PPM1L: variants seen among roughly 807,000 people sequenced by gnomAD.
PPM1L encodes protein phosphatase 1L.
A neutral mutation model predicts 31.4 loss-of-function variants in PPM1L; 13 were observed. The ratio of observed to expected loss-of-function variants is 0.41; its 90% CI spans 0.27 to 0.66. The LOEUF (loss-of-function observed/expected upper bound fraction) is 0.66. PPM1L is among the 30% of genes least tolerant of loss of function. The pLI is 0.29. For synonymous variants in PPM1L, 184 were observed against 175.4 expected (o/e 1.05, Z -0.39); for missense variants, 326 against 453.7 (o/e 0.72, Z 2.56).
At chr3:160,923,238 G>C (rs1379672038) in intron 1 of PPM1L, among the ~76,000 whole-genome samples, 2 of 152,146 alleles carry the variant, frequency 1.3e-5, no homozygotes, top group Non-Finnish European at 2.9e-5. Context: ...AGTAAAGCTT[G>C]ATCATGAGAC....
chr3:161,041,294 A>G (rs1391159378), intron 2 of PPM1L, among the ~76,000 whole-genome samples: 5 of 152,154 alleles, frequency 3.3e-5, no homozygotes, highest in Non-Finnish European at 4.4e-5. Flanking sequence ...GACCAAACCA[A>G]TGTATTTCTT....
intron 1 of PPM1L, among the ~76,000 whole-genome samples, chr3:160,942,062 A>T (rs1715180399): frequency 6.6e-6 from 1 of 152,210 alleles, no homozygotes; most frequent in Non-Finnish European, 1.5e-5. Context: ...CATAGATGTT[A>T]AACATTTCAC....
chr3:160,776,579 C>T (rs76353305), intron 1 of PPM1L, among the ~76,000 whole-genome samples: 2,500 of 149,612 alleles, frequency 0.017, 68 homozygotes, highest in African/African-American at 0.058. Context: ...AGATATACTG[C>T]ACTACCTTGG....
chr3:160,794,946 A>G (rs1180795552), intron 1 of PPM1L, among the ~76,000 whole-genome samples: 1 of 152,126 alleles, frequency 6.6e-6, no homozygotes, highest in Non-Finnish European at 1.5e-5. Context: ...AAATGATCTG[A>G]TTTGAGGCAG....
At chr3:161,033,180 C>T (rs769071885) in intron 2 of PPM1L, among the ~76,000 whole-genome samples, 4 of 151,998 alleles carry the variant, frequency 2.6e-5, no homozygotes, top group Admixed American at 6.5e-5. Context: ...CACTGCTCAA[C>T]GAAATAAGAG....
chr3:160,811,872 T>C (rs1420984372), intron 1 of PPM1L, among the ~76,000 whole-genome samples: 2 of 152,212 alleles, frequency 1.3e-5, no homozygotes, highest in African/African-American at 2.4e-5. Flanking sequence ...TGTGGGCAGC[T>C]GTAAAAACGT....
chr3:160,822,589 A>G (rs184450257), intron 1 of PPM1L, among the ~76,000 whole-genome samples: 106 of 152,234 alleles, frequency 7.0e-4, no homozygotes, highest in African/African-American at 2.5e-3. Flanking sequence ...TATTTTTTGT[A>G]GATAAACTTC....
At chr3:160,956,167 C>T (rs76418595) in intron 1 of PPM1L, among the ~76,000 whole-genome samples, 1,624 of 152,304 alleles carry the variant, frequency 0.011, 34 homozygotes, top group African/African-American at 0.038. Flanking sequence ...ATTTATCCTT[C>T]TTACCCACTG....
chr3:160,989,936 A>G (rs1042429426), intron 2 of PPM1L, among the ~76,000 whole-genome samples: 4 of 152,070 alleles, frequency 2.6e-5, no homozygotes, highest in Non-Finnish European at 4.4e-5. Flanking sequence ...AAGTTCCAGC[A>G]TTACAGGCAT....
In PPM1L at chr3:160,833,697, G is replaced by A. The variant is rs539444052; in HGVS notation, c.399+76990G>A. Among the ~76,000 whole-genome samples, 3 of 151,990 alleles carry A rather than the reference G, an allele frequency of 2.0e-5. No individual in the cohort carries two copies. In the East Asian group the frequency reaches 5.8e-4, roughly 29 times the overall value. On this transcript the variant is annotated intron_variant, in intron 1 of 3. Transcript: ENST00000498165. ...TAGACCTTTGTTAGGTAGATAGATT[G>A]CAAACATTTTCTCCCATTCTTTAGG...
chr3:161,014,139 A>G (rs1717992633), intron 2 of PPM1L, among the ~76,000 whole-genome samples: 1 of 152,124 alleles, frequency 6.6e-6, no homozygotes, highest in Non-Finnish European at 1.5e-5. Context: ...ACAATTTTGC[A>G]TGTTTTTGCA....
chr3:161,003,429 CAGTATAG>C (rs1717579651), intron 2 of PPM1L, among the ~76,000 whole-genome samples: 1 of 151,714 alleles, frequency 6.6e-6, no homozygotes, highest in African/African-American at 2.4e-5. Flanking sequence ...TTACCTTGGG[CAGTATAG>C]CCATTTTCAC....
chr3:160,824,519 G>GTGC (rs1713300882), intron 1 of PPM1L, among the ~76,000 whole-genome samples: 1 of 152,172 alleles, frequency 6.6e-6, no homozygotes, highest in Admixed American at 6.5e-5. Context: ...CTGGAATCCT[G>GTGC]TGCGTGTCTG....
At chr3:160,974,204 A>T (rs905533957) in intron 2 of PPM1L, among the ~76,000 whole-genome samples, 1 of 151,688 alleles carries the variant, frequency 6.6e-6, no homozygotes, top group African/African-American at 2.4e-5. Flanking sequence ...CATGAACTCA[A>T]CATTTTTTAT....
chr3:161,048,089 G>A (rs1374800144), intron 2 of PPM1L, among the ~76,000 whole-genome samples: 8 of 152,180 alleles, frequency 5.3e-5, no homozygotes, highest in African/African-American at 1.9e-4. Context: ...TGACAAATGG[G>A]ATCTAATTAA....
rs543122860 is a variant in PPM1L at position 160,949,802 on chromosome 3, A to G, written c.400-11934A>G. ...AGAGCTGTAACGGAGATCTGAACATAGTACATTGTGGTGACAAGTGGGAAA... is the reference window on the plus strand; with the variant it reads ...AGAGCTGTAACGGAGATCTGAACATGGTACATTGTGGTGACAAGTGGGAAA... On this transcript the variant is annotated intron_variant, in intron 1 of 3. Coordinates refer to ENST00000498165, the MANE Select transcript of PPM1L (RefSeq NM_139245.4). Among the ~76,000 whole-genome samples, 3 of 152,348 alleles carry G rather than the reference A, an allele frequency of 2.0e-5. No homozygotes were observed. The South Asian group carries it at 6.2e-4, about 32-fold the overall frequency.
intron 2 of PPM1L, among the ~76,000 whole-genome samples, chr3:161,043,003 G>C (rs1212104955): frequency 6.8e-6 from 1 of 147,140 alleles, no homozygotes; most frequent in Non-Finnish European, 1.5e-5. Flanking sequence ...CTGGCCAACA[G>C]AGTAAGATTC....
intron 1 of PPM1L, among the ~76,000 whole-genome samples, chr3:160,901,447 C>T (rs555470795): frequency 4.6e-5 from 7 of 152,082 alleles, no homozygotes; most frequent in African/African-American, 1.4e-4. Context: ...GGATCTGCAT[C>T]GACCTCACAC....
At chr3:160,772,374 C>T (rs1715280302) in intron 1 of PPM1L, among the ~76,000 whole-genome samples, 1 of 152,190 alleles carries the variant, frequency 6.6e-6, no homozygotes, top group South Asian at 2.1e-4. Context: ...CTAGTTTTTA[C>T]TTTCCTCTCA....
Sources: gnomAD v4.1 joint callset for allele counts (sites outside exome capture counted in the v4.1 genomes callset) on GRCh38, gnomAD v4.1.1 for gene constraint, MANE v1.5 for transcripts, NCBI Gene and HGNC (gene_info 2026-07-23, HGNC 2026-07-21) for gene names.